GRK5: variants seen among roughly 807,000 people sequenced by gnomAD.
The protein encoded by GRK5 is g protein-coupled receptor kinase GRK5.
GRK5 carries 40 observed loss-of-function variants against 78.4 expected under a neutral mutation model. That is an observed-to-expected ratio of 0.51 (90% CI 0.40 to 0.66). The LOEUF is 0.66. Among genes scored for constraint, GRK5 ranks in the 30% least tolerant of loss-of-function variants. The pLI, the probability that GRK5 is intolerant of heterozygous loss-of-function variation, is 0.00. For synonymous variants in GRK5, 289 were observed against 296.8 expected (o/e 0.97, Z 0.27); for missense variants, 598 against 759.9 (o/e 0.79, Z 2.50).
chr10:119,387,954 A>ATT (rs11413275), intron 3 of GRK5, among the ~76,000 whole-genome samples: 5,062 of 150,218 alleles, frequency 0.034, 133 homozygotes, highest in Non-Finnish European at 0.051. Flanking sequence ...AATAAAGAAG[A>ATT]TTTTTTTTTT....
intron 1 of GRK5, among the ~76,000 whole-genome samples, chr10:119,295,947 T>A (rs1468804046): frequency 6.6e-6 from 1 of 151,992 alleles, no homozygotes; most frequent in African/African-American, 2.4e-5. Context: ...AAAAATATTT[T>A]AAAAATAATA....
chr10:119,315,173 G>A (rs915393), intron 1 of GRK5, among the ~76,000 whole-genome samples: 6,018 of 152,264 alleles, frequency 0.04, 165 homozygotes, highest in Non-Finnish European at 0.061. Flanking sequence ...CCCATACCAG[G>A]GGCCTGTCTC....
chr10:119,439,643 T>G, intron 9 of GRK5, 88 bp from the exon 10 acceptor site: 1 of 1,292,930 alleles, frequency 7.7e-7, no homozygotes, highest in Non-Finnish European at 1.1e-6. Flanking sequence ...CACTCAGGCC[T>G]GATTAGCCCG....
rs367798791 is a variant in GRK5, at chr10:119,443,598, T to A, written c.1112T>A (p.Leu371His). Residue 371 changes from leucine (L) to histidine (H), a missense_variant, in exon 12 of 16, where the codon CTT (leucine) becomes CAT (histidine). Coordinates refer to ENST00000392870, the MANE Select transcript of GRK5 (RefSeq NM_005308.3). ...RYGLSPDYWG[L>H]GCLIYEMIEG... Reference sequence around the variant, plus strand: ...GGCCTGAGCCCCGACTACTGGGGCCTTGGCTGCCTCATCTATGAGATGATC... The same window carrying A: ...GGCCTGAGCCCCGACTACTGGGGCCATGGCTGCCTCATCTATGAGATGATC... 6.2e-7 allele frequency: 1 copy of A among 1,613,428 alleles called. No homozygotes were observed. The highest frequency in any genetic ancestry group is 8.5e-7 in the Non-Finnish European group (1 of 1,179,682).
chr10:119,410,888 G>T (rs900103941), intron 4 of GRK5, among the ~76,000 whole-genome samples: 2 of 149,462 alleles, frequency 1.3e-5, no homozygotes, highest in South Asian at 2.4e-4. Flanking sequence ...GGCCACCTCT[G>T]TGAGCGCTCT....
In GRK5 at chr10:119,430,268, G is replaced by A. The variant is rs1852788694; in HGVS notation, c.534-107G>A. 4 of 936,360 alleles carry A rather than the reference G, an allele frequency of 4.3e-6. No homozygotes were observed. The highest frequency in any genetic ancestry group is 5.2e-6 in the Non-Finnish European group (3 of 576,330). 58.0% of individuals were successfully genotyped at this position (936,360 alleles called of 1,614,324 possible). A position where few individuals can be genotyped will look rare whatever the true frequency, so the allele number is the denominator to read the frequency against. ...GGGGGGTCCCTGGGGCTGCTGTGGG[G>A]CTCCTGGAATTATACCCCACCCCAG... On this transcript the variant is annotated intron_variant, in intron 6 of 15. Coordinates refer to ENST00000392870, the MANE Select transcript of GRK5 (RefSeq NM_005308.3). The surrounding 1 kb of genome is among the most constrained non-coding windows in gnomAD (Gnocchi z 4.5).
At chr10:119,395,887 C>T (rs1464578362) in intron 3 of GRK5, among the ~76,000 whole-genome samples, 2 of 152,122 alleles carry the variant, frequency 1.3e-5, no homozygotes, top group African/African-American at 2.4e-5. Context: ...CACCGCCGGC[C>T]CTCGGGATCT....
At chr10:119,291,932 T>TTTTCCTCCTTCTC (rs1554903423) in intron 1 of GRK5, among the ~76,000 whole-genome samples, 15,169 of 89,458 alleles carry the variant, frequency 0.17, 2,098 homozygotes, top group South Asian at 0.22. Context: ...TCCTCCTTCT[T>TTTTCCTCCTTCTC]TTCCTCCTCT....
At position 119,442,099 on chromosome 10, in the gene GRK5, G is replaced by A; in HGVS notation, c.1057+11G>A. The A allele has an allele frequency of 6.2e-7, 1 of 1,611,634 alleles. No homozygotes were observed. Among genetic ancestry groups the A allele is most frequent in the Non-Finnish European group, 8.5e-7 (1 of 1,177,960 alleles). On this transcript the variant is annotated intron_variant, in intron 11 of 15. Coordinates refer to ENST00000392870, the MANE Select transcript of GRK5 (RefSeq NM_005308.3). ...CTGTTGGCTACATGGGTGAGTGCTGGGCTGCCTGTGTCAATGCACCTTGAG... is the reference window on the plus strand; with the variant it reads ...CTGTTGGCTACATGGGTGAGTGCTGAGCTGCCTGTGTCAATGCACCTTGAG...
intron 2 of GRK5, among the ~76,000 whole-genome samples, chr10:119,355,025 TC>T (rs1851244811): frequency 6.6e-6 from 1 of 152,204 alleles, no homozygotes; most frequent in Non-Finnish European, 1.5e-5. Context: ...AATGTAATTC[TC>T]CTGTATACTT....
At chr10:119,283,576 G>A (rs1363351224) in intron 1 of GRK5, among the ~76,000 whole-genome samples, 1 of 152,250 alleles carries the variant, frequency 6.6e-6, no homozygotes, top group African/African-American at 2.4e-5. Context: ...TGCTGATGGT[G>A]TCTCTGGCAA....
intron 1 of GRK5, among the ~76,000 whole-genome samples, chr10:119,292,796 G>C (rs867139940): frequency 1.1e-4 from 16 of 151,460 alleles, no homozygotes; most frequent in African/African-American, 3.9e-4. Context: ...ATACTGTATT[G>C]TTTAGGGAAT....
At chr10:119,370,218 C>T (rs1851524778) in intron 2 of GRK5, among the ~76,000 whole-genome samples, 1 of 152,160 alleles carries the variant, frequency 6.6e-6, no homozygotes, top group Non-Finnish European at 1.5e-5. Context: ...CAGCCTAGAG[C>T]CTTCTTTCCT....
chr10:119,241,298 T>A (rs1849021414), intron 1 of GRK5, among the ~76,000 whole-genome samples: 1 of 152,162 alleles, frequency 6.6e-6, no homozygotes, highest in East Asian at 1.9e-4. Context: ...GACTGCGGTT[T>A]CCTACGGGCA....
chr10:119,224,883 A>C (rs1328778578), intron 1 of GRK5, among the ~76,000 whole-genome samples: 1 of 152,200 alleles, frequency 6.6e-6, no homozygotes, highest in Non-Finnish European at 1.5e-5. Context: ...AAGCAAAACC[A>C]TCCTCAGCTG....
Position 119,287,183 on chromosome 10 carries a change from G to A in GRK5, c.53-39333G>A, listed in dbSNP as rs1849862610. The stretch of plus-strand genomic sequence containing the variant: ...GAGAGAAGAAGGGAGGGAGAGACAG[G>A]AGGAAAGGAGGGAGAGAACAGGGAG... On this transcript the variant is annotated intron_variant, in intron 1 of 15. Transcript: ENST00000392870. Among the ~76,000 whole-genome samples the A allele has an allele frequency of 2.3e-5, 3 of 127,938 alleles. No individual in the cohort carries two copies. The South Asian group carries it at 8.8e-4, about 37-fold the overall frequency. 83.9% of individuals were successfully genotyped at this position (127,938 alleles called of 152,430 possible).
In GRK5 at chr10:119,360,400, T is replaced by C. The variant is rs993778832; in HGVS notation, c.149-20415T>C. On this transcript the variant is annotated intron_variant, in intron 2 of 15. Transcript: ENST00000392870. ...CGCTTAGTGGGTGGCTTCTCAGAGC[T>C]CAGGCCACAGCCCTTGTGAGTGGGA... 2.0e-5 allele frequency among the ~76,000 whole-genome samples: 3 copies of C among 152,130 alleles called. No individual in the cohort carries two copies. The East Asian group carries it at 5.8e-4, about 29-fold the overall frequency.
chr10:119,283,858 C>A (rs1589720984), intron 1 of GRK5, among the ~76,000 whole-genome samples: 1 of 152,332 alleles, frequency 6.6e-6, no homozygotes, highest in East Asian at 1.9e-4. Flanking sequence ...TTTCAAGGTT[C>A]ATCTTTGTGT....
chr10:119,437,307 G>T (rs1409387574), intron 9 of GRK5, among the ~76,000 whole-genome samples: 1 of 152,042 alleles, frequency 6.6e-6, no homozygotes, highest in African/African-American at 2.4e-5. Flanking sequence ...AGCTTGCTCT[G>T]GTCTTCACCC....
Sources: allele counts gnomAD v4.1 joint callset (sites outside exome capture counted in the v4.1 genomes callset), GRCh38; gene constraint gnomAD v4.1.1; non-coding constraint Gnocchi (gnomAD v3.1); transcripts MANE v1.5; gene names NCBI Gene and HGNC (gene_info 2026-07-23, HGNC 2026-07-21).